The following PRUNE2 variants were observed in gnomAD, a reference collection of about 807,000 sequenced individuals.
PRUNE2 encodes the protein protein prune homolog 2.
In PRUNE2, 164 loss-of-function variants were observed where a neutral mutation model predicts 252.0. That is an observed-to-expected ratio of 0.65 (90% CI 0.57 to 0.74). PRUNE2 has a LOEUF of 0.74. Ranked by LOEUF, PRUNE2 falls within the 30% of genes least tolerant of loss-of-function variation. The probability of loss-of-function intolerance (pLI) is 0.00; values close to 1 mark genes in which losing one functional copy is unlikely to be tolerated. For missense variants in PRUNE2, 3,495 were observed against 3,711.0 expected (o/e 0.94, Z 1.51); for synonymous variants, 1,292 against 1,350.2 (o/e 0.96, Z 0.94).
chr9:76,733,705 C>G lies in PRUNE2; in HGVS notation c.757-19984G>C, dbSNP rs529818170. The G allele has an allele frequency of 2.0e-5, 3 of 152,140 alleles. No homozygotes were observed. The East Asian group carries it at 5.8e-4, about 29-fold the overall frequency. 9.4% of individuals were successfully genotyped at this position (152,140 alleles called of 1,614,324 possible). On this transcript the variant is annotated intron_variant, in intron 6 of 18. Coordinates refer to ENST00000376718, the MANE Select transcript of PRUNE2 (RefSeq NM_015225.3). Reference sequence around the variant, plus strand: ...CAGGCATGAGCCATAGCACTTGGCCCTATGAACTTTGTACAATATCAGAGG... The same window carrying G: ...CAGGCATGAGCCATAGCACTTGGCCGTATGAACTTTGTACAATATCAGAGG...
intron 18 of PRUNE2, among the ~76,000 whole-genome samples, chr9:76,617,081 T>C (rs1297276720): frequency 1.3e-5 from 2 of 152,230 alleles, no homozygotes; most frequent in African/African-American, 2.4e-5. Flanking sequence ...TAGTTTTCTA[T>C]AAGCAACTTT....
At chr9:76,833,727 T>G (rs1363924181) in intron 4 of PRUNE2, among the ~76,000 whole-genome samples, 2 of 150,258 alleles carry the variant, frequency 1.3e-5, no homozygotes, top group African/African-American at 4.9e-5. Context: ...ATTGCGCCAC[T>G]GCACTCCAGC....
chr9:76,710,729 G>C lies in PRUNE2; in HGVS notation c.1545C>G (p.Tyr515Ter). The change falls in exon 8 of 19, where the codon TAC becomes TAG. Residue 515 changes from tyrosine to a stop codon, truncating the protein, a stop_gained. Coordinates refer to ENST00000376718, the MANE Select transcript of PRUNE2 (RefSeq NM_015225.3). LOFTEE classifies it high-confidence loss of function. ...QSQQSSHSAD[Y>*]SPADDFFPNS... is the part of the protein sequence containing the mutation. ...TGGGGAAGAAGTCATCTGCTGGGGA[G>C]TAGTCTGCAGAATGAGAAGATTGCT... 6.2e-7 allele frequency: 1 copy of C among 1,612,694 alleles called. No individual in the cohort carries two copies. The highest frequency in any genetic ancestry group is 8.5e-7 in the Non-Finnish European group (1 of 1,179,368).
intron 11 of PRUNE2, among the ~76,000 whole-genome samples, chr9:76,650,634 T>C (rs1272700599): frequency 1.3e-5 from 2 of 152,242 alleles, no homozygotes; most frequent in Non-Finnish European, 1.5e-5. Flanking sequence ...TATCTTTCAT[T>C]TGAAAATTAA....
In PRUNE2 at chr9:76,705,844, C is replaced by A; in HGVS notation, c.6430G>T (p.Glu2144Ter). ...TCCCGTCCAGGCTCATAAATGGGTT[C>A]TTCATCTATCTCTGGCTCAGTGAGA... ...LCLTEPEIDE[E>*]PIYEPGREFV... is the part of the protein sequence containing the mutation. Residue 2144 changes from glutamate to a stop codon, truncating the protein, a stop_gained, in exon 8 of 19, where the codon GAA (glutamate) becomes TAA (stop). Coordinates refer to ENST00000376718, the MANE Select transcript of PRUNE2 (RefSeq NM_015225.3). LOFTEE classifies it high-confidence loss of function. 6.2e-7 allele frequency: 1 copy of A among 1,613,628 alleles called. No homozygotes were observed. Among genetic ancestry groups the A allele is most frequent in the Non-Finnish European group, 8.5e-7 (1 of 1,179,878 alleles).
At chr9:76,839,055 T>G (rs1447695999) in intron 4 of PRUNE2, among the ~76,000 whole-genome samples, 1 of 152,104 alleles carries the variant, frequency 6.6e-6, no homozygotes, top group Admixed American at 6.6e-5. Context: ...AAGCTAAAAA[T>G]AGGAGTTTGT....
chr9:76,902,424 A>G (rs1372382801), intron 1 of PRUNE2, among the ~76,000 whole-genome samples: 5 of 152,218 alleles, frequency 3.3e-5, no homozygotes, highest in African/African-American at 7.2e-5. Context: ...GGCAGGAGAA[A>G]AAAGAAAATA....
At chr9:76,868,896 C>T (rs1334986479) in intron 1 of PRUNE2, 1 of 148,230 alleles carries the variant, frequency 6.7e-6, no homozygotes, top group Non-Finnish European at 1.5e-5. Flanking sequence ...GTTCCCAGAA[C>T]TTTCTTTTGT....
intron 11 of PRUNE2, among the ~76,000 whole-genome samples, chr9:76,648,587 A>G (rs149759224): frequency 6.4e-4 from 97 of 152,372 alleles, no homozygotes; most frequent in African/African-American, 2.3e-3. Flanking sequence ...TATGAGTCCA[A>G]CTACATGGAT....
At chr9:76,761,106 A>AGT (rs1564237852) in intron 6 of PRUNE2, among the ~76,000 whole-genome samples, 39 of 125,804 alleles carry the variant, frequency 3.1e-4, no homozygotes, top group African/African-American at 6.5e-4. Flanking sequence ...AAAAAAAAAT[A>AGT]CTCAACAGAG....
intron 1 of PRUNE2, among the ~76,000 whole-genome samples, chr9:76,860,806 T>G (rs997614277): frequency 2.6e-5 from 4 of 152,166 alleles, no homozygotes; most frequent in Non-Finnish European, 4.4e-5. Flanking sequence ...CTCCTGAAAC[T>G]GTAGGATGGT....
intron 6 of PRUNE2, among the ~76,000 whole-genome samples, chr9:76,817,532 C>T (rs1230425934): frequency 6.6e-6 from 1 of 152,096 alleles, no homozygotes; most frequent in Non-Finnish European, 1.5e-5. Flanking sequence ...CAGACCAGAT[C>T]CATAAAAAAC....
chr9:76,827,770 C>T (rs998186736), intron 4 of PRUNE2, among the ~76,000 whole-genome samples: 3 of 152,210 alleles, frequency 2.0e-5, no homozygotes, highest in Non-Finnish European at 4.4e-5. Context: ...ATCAAACATG[C>T]TGGAAAGTCC....
intron 9 of PRUNE2, among the ~76,000 whole-genome samples, chr9:76,698,684 A>G (rs763401569): frequency 3.9e-5 from 6 of 152,350 alleles, no homozygotes; most frequent in Non-Finnish European, 4.4e-5. Flanking sequence ...AAAAGACCCA[A>G]TGTACTAAAC....
chr9:76,630,658 G>A (rs1837201491), intron 15 of PRUNE2, among the ~76,000 whole-genome samples: 1 of 152,160 alleles, frequency 6.6e-6, no homozygotes, highest in Non-Finnish European at 1.5e-5. Context: ...CCGAGTAGCT[G>A]GGACTACAGG....
chr9:76,694,461 G>A (rs900551925), intron 9 of PRUNE2, among the ~76,000 whole-genome samples: 2 of 152,202 alleles, frequency 1.3e-5, no homozygotes, highest in African/African-American at 4.8e-5. Context: ...GGGATTACAG[G>A]TGTGAGCCAC....
intron 11 of PRUNE2, among the ~76,000 whole-genome samples, chr9:76,650,410 C>T (rs1048233688): frequency 2.0e-5 from 3 of 151,246 alleles, no homozygotes; most frequent in Non-Finnish European, 2.9e-5. Context: ...CCTTAAAAAC[C>T]CCTATTTTGT....
At position 76,883,053 on chromosome 9, in the gene PRUNE2, A is replaced by G. The variant is rs184854323; in HGVS notation, c.36+22875T>C. Among the ~76,000 whole-genome samples the G allele has an allele frequency of 2.0e-5, 3 of 152,208 alleles. No homozygotes were observed. The East Asian group carries it at 5.8e-4, about 29-fold the overall frequency. ...TCTCAACTAGGTGGTTGCCTTTCCA[A>G]GCTTTTGTATACGTGACTCCATTTA... is the stretch of plus-strand genomic sequence containing the variant. On this transcript the variant is annotated intron_variant, in intron 1 of 18. Transcript: ENST00000376718.
intron 9 of PRUNE2, among the ~76,000 whole-genome samples, chr9:76,700,950 GGCATTGACTA>G (rs1288767329): frequency 6.6e-6 from 1 of 152,104 alleles, no homozygotes; most frequent in African/African-American, 2.4e-5. Flanking sequence ...ACTGACATTG[GGCATTGACTA>G]GCTTGACTTA....
Sources: allele counts gnomAD v4.1 joint callset (sites outside exome capture counted in the v4.1 genomes callset), GRCh38; gene constraint gnomAD v4.1.1; transcripts MANE v1.5; gene names NCBI Gene and HGNC (gene_info 2026-07-23, HGNC 2026-07-21).